MEIG1: variants seen among roughly 807,000 people sequenced by gnomAD.
MEIG1 encodes the protein meiosis/spermiogenesis associated 1, also known as meiosis expressed gene 1 protein homolog.
MEIG1 carries 12 observed loss-of-function variants against 11.3 expected under a neutral mutation model. The observed-to-expected ratio is 1.07, with a 90% CI of 0.68 to 1.73. The LOEUF is 1.73. Ranked by LOEUF, MEIG1 falls within the 40% of genes most tolerant of loss-of-function variation. The pLI, the probability that MEIG1 is intolerant of heterozygous loss-of-function variation, is 0.00. For synonymous variants in MEIG1, 41 were observed against 33.2 expected (o/e 1.24, Z -0.81); for missense variants, 119 against 104.9 (o/e 1.13, Z -0.59).
intron 1 of MEIG1, among the ~76,000 whole-genome samples, chr10:14,984,352 C>T (rs1436991659): frequency 6.6e-6 from 1 of 152,108 alleles, no homozygotes; most frequent in Non-Finnish European, 1.5e-5. Context: ...TTTCTAGCAA[C>T]ATGCCGCTAC....
chr10:14,966,066 C>CTTTTTTT (rs10673663), intron 1 of MEIG1, among the ~76,000 whole-genome samples: 60,312 of 117,604 alleles, frequency 0.51, 17,033 homozygotes, highest in Non-Finnish European at 0.6. Flanking sequence ...TTTATTTATT[C>CTTTTTTT]TTTTTTTTTT....
intron 1 of MEIG1, among the ~76,000 whole-genome samples, chr10:14,963,834 C>T (rs766198973): frequency 2.6e-5 from 4 of 152,162 alleles, no homozygotes; most frequent in Non-Finnish European, 5.9e-5. Flanking sequence ...CGTGGTGGCT[C>T]ACGCCTGTAA....
At chr10:14,979,084 T>G (rs1210029922) in intron 1 of MEIG1, among the ~76,000 whole-genome samples, 1 of 152,038 alleles carries the variant, frequency 6.6e-6, no homozygotes, top group Non-Finnish European at 1.5e-5. Context: ...TCTGATATTA[T>G]CCGTTATATC....
chr10:14,954,326 T>C, the MEIG1 span: 1 of 462,516 alleles, frequency 2.2e-6, no homozygotes, highest in South Asian at 2.2e-5. Context: ...CCCATGTCTG[T>C]GGAGGTGCAG....
upstream of MEIG1, among the ~76,000 whole-genome samples, chr10:14,954,906 CACAA>C (rs569245606): frequency 2.6e-5 from 4 of 152,252 alleles, no homozygotes; most frequent in South Asian, 4.2e-4. Flanking sequence ...TATAATTAAA[CACAA>C]ACAACCCAGA....
chr10:14,983,332 G>C (rs767630490), intron 1 of MEIG1, among the ~76,000 whole-genome samples: 1 of 151,924 alleles, frequency 6.6e-6, no homozygotes, highest in Admixed American at 6.6e-5. Flanking sequence ...CTGTGACATC[G>C]TTCCTAATAT....
intron 1 of MEIG1, among the ~76,000 whole-genome samples, chr10:14,984,453 T>A (rs555105361): frequency 1.3e-5 from 2 of 152,226 alleles, no homozygotes; most frequent in Non-Finnish European, 2.9e-5. Context: ...CACACTGAGA[T>A]GTTATTCACA....
At position 14,969,926 on chromosome 10, in the gene MEIG1, GAAC is replaced by G. The variant is rs540584845; in HGVS notation, c.139-2584_139-2582del. On this transcript the variant is annotated intron_variant, in intron 2 of 2. Transcript: ENST00000407572. ...TCTTAGATTCTAAAATAAGTAACAA[GAAC>G]AATAAAACCTTACACAAATCGAAGT... 4.8e-3 allele frequency among the ~76,000 whole-genome samples: 737 copies of G among 152,248 alleles called. 7 individuals are homozygous for G. The highest frequency in any genetic ancestry group is 7.6e-3 in the Non-Finnish European group (517 of 67,996).
At chr10:14,976,866 A>G (rs6602787), downstream of MEIG1, among the ~76,000 whole-genome samples, 99,233 of 151,810 alleles carry the variant, frequency 0.65, 32,697 homozygotes, top group Admixed American at 0.75. Flanking sequence ...ATATCCTAGC[A>G]GGAGTTCACT....
At chr10:14,976,913 T>C (rs1843215781), downstream of MEIG1, among the ~76,000 whole-genome samples, 1 of 152,038 alleles carries the variant, frequency 6.6e-6, no homozygotes, top group East Asian at 1.9e-4. Context: ...TTTGATATTA[T>C]TCGTACTGTC....
chr10:14,984,625 G>T (rs1843300170), intron 1 of MEIG1, among the ~76,000 whole-genome samples: 2 of 151,940 alleles, frequency 1.3e-5, no homozygotes, highest in South Asian at 2.1e-4. Context: ...ATGTCACAGG[G>T]TTTGTACACC....
intron 1 of MEIG1, among the ~76,000 whole-genome samples, chr10:14,962,159 C>T (rs1417139789): frequency 1.3e-5 from 2 of 152,222 alleles, no homozygotes; most frequent in East Asian, 3.8e-4. Flanking sequence ...AAAGAAACCA[C>T]TCAGTCTGCA....
chr10:14,970,021 A>G (rs2092465483), intron 2 of MEIG1, among the ~76,000 whole-genome samples: 1 of 152,238 alleles, frequency 6.6e-6, no homozygotes, highest in African/African-American at 2.4e-5. Flanking sequence ...TTCCAGGGAC[A>G]ATCCCCAGAG....
At position 14,978,808 on chromosome 10, in the gene MEIG1, G is replaced by A. The variant is rs536033510; in HGVS notation, n.66+6188G>A. 3.9e-5 allele frequency among the ~76,000 whole-genome samples: 6 copies of A among 152,050 alleles called. No homozygotes were observed. In the East Asian group the frequency reaches 9.7e-4, roughly 24 times the overall value. ...GAGATGTGACTTTTAATGTCACAGAGTGTACACACCTTTTGAAATTATTCA... is the reference window on the plus strand; with the variant it reads ...GAGATGTGACTTTTAATGTCACAGAATGTACACACCTTTTGAAATTATTCA... On this transcript the variant is annotated intron_variant and non_coding_transcript_variant, in intron 1 of 2. Transcript: ENST00000467536.
chr10:14,978,594 G>A (rs1383738373), intron 1 of MEIG1, among the ~76,000 whole-genome samples: 1 of 151,894 alleles, frequency 6.6e-6, no homozygotes, highest in Non-Finnish European at 1.5e-5. Flanking sequence ...ATATCCTACG[G>A]GGATGTTACT....
intron 2 of MEIG1, chr10:14,970,324 G>A (rs916135288): frequency 3.9e-5 from 6 of 152,190 alleles, no homozygotes; most frequent in African/African-American, 1.2e-4. Flanking sequence ...AGATGCCAAG[G>A]GACATCAAAA....
chr10:14,983,445 C>T (rs1338216407), intron 1 of MEIG1, among the ~76,000 whole-genome samples: 6 of 151,964 alleles, frequency 3.9e-5, no homozygotes, highest in Non-Finnish European at 7.4e-5. Context: ...CGATATGACT[C>T]CCCATACAGC....
intron 1 of MEIG1, among the ~76,000 whole-genome samples, chr10:14,979,281 A>T (rs1843241085): frequency 6.7e-6 from 1 of 149,990 alleles, no homozygotes; most frequent in Non-Finnish European, 1.5e-5. Context: ...ACACAGGCTA[A>T]CCCCCTGTGA....
intron 1 of MEIG1, among the ~76,000 whole-genome samples, chr10:14,981,066 C>A (rs1843258046): frequency 2.0e-5 from 3 of 152,158 alleles, no homozygotes; most frequent in East Asian, 1.9e-4. Context: ...TATCATTCCA[C>A]AAGTTCTTAG....
Sources: gnomAD v4.1 joint callset for allele counts (sites outside exome capture counted in the v4.1 genomes callset) on GRCh38, gnomAD v4.1.1 for gene constraint, MANE v1.5 for transcripts, NCBI Gene and HGNC (gene_info 2026-07-23, HGNC 2026-07-21) for gene names.